Variants in PDE8B observed in about 807,000 individuals in gnomAD.
PDE8B encodes the protein high affinity cAMP-specific and IBMX-insensitive 3',5'-cyclic phosphodiesterase 8B.
Under a neutral mutation model 101.3 loss-of-function variants are expected in PDE8B, and 26 were observed. The ratio of observed to expected loss-of-function variants is 0.26; its 90% CI spans 0.19 to 0.36. The LOEUF is 0.36. PDE8B is among the 10% of genes least tolerant of loss of function. The pLI, the probability that PDE8B is intolerant of heterozygous loss-of-function variation, is 1.00. For missense variants in PDE8B, 810 were observed against 1,163.1 expected, an observed-to-expected ratio of 0.70 and a Z score of 4.42; for synonymous variants, 424 against 429.3, an observed-to-expected ratio of 0.99 and a Z score of 0.15.
At chr5:77,260,386 G>A (rs1272067158) in intron 1 of PDE8B, among the ~76,000 whole-genome samples, 1 of 152,040 alleles carries the variant, frequency 6.6e-6, no homozygotes, top group Admixed American at 6.5e-5. Context: ...CCTGTAAGGA[G>A]CATTTTAAAA....
chr5:77,101,730 G>A, the PDE8B span, among the ~76,000 whole-genome samples: 1 of 152,100 alleles, frequency 6.6e-6, no homozygotes, highest in Non-Finnish European at 1.5e-5. Flanking sequence ...GCTGGGCAAA[G>A]TATTCAGTGA....
the PDE8B span, among the ~76,000 whole-genome samples, chr5:77,090,752 CGT>C: frequency 1.5e-4 from 23 of 149,916 alleles, no homozygotes; most frequent in East Asian, 3.9e-4. Flanking sequence ...GAATAATATC[CGT>C]GTGTGTGTGT....
chr5:77,415,351 A>ATTTTTT (rs71606293), intron 17 of PDE8B, among the ~76,000 whole-genome samples: 7 of 88,728 alleles, frequency 7.9e-5, no homozygotes, highest in Non-Finnish European at 1.4e-4. Context: ...ATAAGCTAAA[A>ATTTTTT]TTTTTTTTTT....
chr5:77,112,102 T>C, the PDE8B span: 2 of 152,194 alleles, frequency 1.3e-5, no homozygotes, highest in Admixed American at 6.6e-5. Flanking sequence ...GTACCAAATA[T>C]TTGAAACCCA....
chr5:77,176,721 G>A, the PDE8B span, among the ~76,000 whole-genome samples: 10 of 152,276 alleles, frequency 6.6e-5, no homozygotes, highest in South Asian at 2.1e-4. Context: ...GGGAGAAGAA[G>A]GAAAGCCAGA....
At chr5:77,093,563 TC>T in the PDE8B span, among the ~76,000 whole-genome samples, 2 of 152,206 alleles carry the variant, frequency 1.3e-5, no homozygotes, top group African/African-American at 4.8e-5. Context: ...CTAAAATTTT[TC>T]AGTGAGAATC....
At chr5:77,152,578 C>T in the PDE8B span, among the ~76,000 whole-genome samples, 1 of 152,192 alleles carries the variant, frequency 6.6e-6, no homozygotes, top group East Asian at 1.9e-4. Flanking sequence ...GACTGTTGGA[C>T]TTACATGTGG....
the PDE8B span, among the ~76,000 whole-genome samples, chr5:77,096,563 G>A: frequency 2.6e-5 from 4 of 152,140 alleles, no homozygotes; most frequent in African/African-American, 4.8e-5. Flanking sequence ...CCTTCATCAA[G>A]CCCTTTATAA....
intron 1 of PDE8B, among the ~76,000 whole-genome samples, chr5:77,238,617 T>C (rs1044515025): frequency 1.3e-5 from 2 of 152,194 alleles, no homozygotes; most frequent in Admixed American, 6.5e-5. Flanking sequence ...CACATAGATA[T>C]ACAGAAAGTG....
chr5:77,144,663 A>AT, the PDE8B span: 1 of 151,632 alleles, frequency 6.6e-6, no homozygotes, highest in Admixed American at 6.6e-5. Context: ...CTAGCAAAAG[A>AT]TTTTTTCTCT....
intron 10 of PDE8B, among the ~76,000 whole-genome samples, chr5:77,354,233 G>A (rs1022419676): frequency 3.3e-5 from 5 of 152,170 alleles, no homozygotes; most frequent in Non-Finnish European, 5.9e-5. Flanking sequence ...GGAACCAGCA[G>A]GACGTGAGTA....
chr5:77,352,961 G>A (rs1457910011), intron 9 of PDE8B, among the ~76,000 whole-genome samples: 1 of 152,190 alleles, frequency 6.6e-6, no homozygotes, highest in Non-Finnish European at 1.5e-5. Context: ...GCCATGAAAT[G>A]TGGTCATTGT....
intron 10 of PDE8B, among the ~76,000 whole-genome samples, chr5:77,384,809 C>T (rs1022138043): frequency 1.3e-5 from 2 of 152,172 alleles, no homozygotes; most frequent in Non-Finnish European, 2.9e-5. Context: ...AGCCATGCAT[C>T]CCAGGGATGA....
intron 8 of PDE8B, among the ~76,000 whole-genome samples, chr5:77,350,772 A>C (rs1780956894): frequency 6.6e-6 from 1 of 152,254 alleles, no homozygotes. Flanking sequence ...AGACCTCCAA[A>C]GAATCCCTTG....
rs557581892 is a variant in PDE8B, at chr5:77,282,381, C to T, written c.340-29613C>T. 2.9e-4 allele frequency among the ~76,000 whole-genome samples: 44 copies of T among 152,188 alleles called. No individual in the cohort carries two copies. The South Asian group carries it at 4.8e-3, about 16-fold the overall frequency. The stretch of plus-strand genomic sequence containing the variant: ...GTGTGAATAACCCTGAGTTTCCAGG[C>T]AATCTGGCTCTCAGCCCCCACACTG... On this transcript the variant is annotated intron_variant, in intron 1 of 21. Transcript: ENST00000264917.
chr5:77,152,963 T>C, the PDE8B span, among the ~76,000 whole-genome samples: 1 of 152,170 alleles, frequency 6.6e-6, no homozygotes, highest in Non-Finnish European at 1.5e-5. Flanking sequence ...GAAAATGAAT[T>C]GCTTAAAGTT....
chr5:77,213,991 G>A (rs1749097093), intron 1 of PDE8B: 1 of 152,230 alleles, frequency 6.6e-6, no homozygotes, highest in Non-Finnish European at 1.5e-5. Flanking sequence ...TCCATTTCTG[G>A]TAAGAAGTTA....
At chr5:77,288,102 A>G (rs955148775) in intron 1 of PDE8B, among the ~76,000 whole-genome samples, 5 of 152,214 alleles carry the variant, frequency 3.3e-5, no homozygotes, top group Non-Finnish European at 7.3e-5. Flanking sequence ...GGGACAGGCG[A>G]TAATAACTCA....
chr5:77,227,604 G>C (rs1752674888), intron 1 of PDE8B, among the ~76,000 whole-genome samples: 1 of 152,106 alleles, frequency 6.6e-6, no homozygotes, highest in Non-Finnish European at 1.5e-5. Context: ...GAGTGGAGGT[G>C]TGCCTGTGCA....
Sources: gnomAD v4.1 joint callset for allele counts (sites outside exome capture counted in the v4.1 genomes callset) on GRCh38, gnomAD v4.1.1 for gene constraint, MANE v1.5 for transcripts, NCBI Gene and HGNC (gene_info 2026-07-23, HGNC 2026-07-21) for gene names.